Variants in HERC2 observed in about 807,000 individuals in gnomAD.
HERC2 encodes the protein E3 ubiquitin-protein ligase HERC2.
HERC2 carries 102 observed loss-of-function variants against 537.7 expected under a neutral mutation model. The ratio of observed to expected loss-of-function variants is 0.19; its 90% CI spans 0.16 to 0.22. The LOEUF is 0.22. HERC2 is among the 10% of genes least tolerant of loss of function. The probability of loss-of-function intolerance (pLI) is 1.00; values close to 1 mark genes in which losing one functional copy is unlikely to be tolerated. For missense variants in HERC2, 4,236 were observed against 6,198.2 expected, an observed-to-expected ratio of 0.68 and a Z score of 10.63; for synonymous variants, 2,224 against 2,466.2, an observed-to-expected ratio of 0.90 and a Z score of 2.91.
At chr15:28,204,207 C>G (rs1418086031) in intron 45 of HERC2, among the ~76,000 whole-genome samples, 1 of 152,154 alleles carries the variant, frequency 6.6e-6, no homozygotes, top group Admixed American at 6.5e-5. Flanking sequence ...CAACCAATAA[C>G]TGACTATAAT....
At chr15:28,195,882 T>C (rs944771672) in intron 52 of HERC2, among the ~76,000 whole-genome samples, 4 of 152,240 alleles carry the variant, frequency 2.6e-5, no homozygotes, top group African/African-American at 4.8e-5. Context: ...AAAAGGTATA[T>C]AAATTAAAAA....
At chr15:28,214,342 C>T in intron 40 of HERC2, 70 bp from the exon 41 acceptor site, 1 of 1,342,832 alleles carries the variant, frequency 7.4e-7, no homozygotes, top group South Asian at 1.2e-5. Flanking sequence ...GAGACGGCTA[C>T]CCACCTCTAA....
At position 28,192,030 on chromosome 15, in the gene HERC2, G is replaced by C. The variant is rs143706639; in HGVS notation, c.8382C>G (p.Ser2794=). The C allele has an allele frequency of 3.3e-5, 53 of 1,613,926 alleles. 1 individual carries two copies. The South Asian group carries it at 5.4e-4, about 16-fold the overall frequency. The change falls in exon 53 of 93, where the codon TCC becomes TCG. Residue 2794 remains serine, a synonymous_variant. Coordinates refer to ENST00000261609, the MANE Select transcript of HERC2 (RefSeq NM_004667.6). ...CAATGAGACGGGATGCCTGGTTCAC[G>C]GAGGACGACACATTCAGGCTCTTCA... ...RMVKSLNVSS[S]VNQASRLIDG...
At position 28,177,167 on chromosome 15, in the gene HERC2, CCCTTCTTAGAGATGAAGGAA is replaced by C. The variant is rs759145073; in HGVS notation, c.9255-60_9255-41del. On this transcript the variant is annotated intron_variant, in intron 60 of 92. Transcript: ENST00000261609. The surrounding 1 kb of genome is among the most constrained non-coding windows in gnomAD (Gnocchi z 5.0). ...AATCAGCTCTCTACAGTCAATCTGT[CCCTTCTTAGAGATGAAGGAA>C]AAAAGACATCTATACTGATCCACAT... The C allele has an allele frequency of 6.3e-7, 1 of 1,576,792 alleles. No individual in the cohort carries two copies. The highest frequency in any genetic ancestry group is 1.4e-5 in the African/African-American group (1 of 73,680).
intron 57 of HERC2, among the ~76,000 whole-genome samples, chr15:28,181,558 C>T (rs1895820298): frequency 6.6e-6 from 1 of 152,190 alleles, no homozygotes; most frequent in Admixed American, 6.5e-5. Context: ...TGATGTCTCA[C>T]AGAATACTAA....
chr15:28,299,596 T>C (rs2076563796), intron 2 of HERC2, 80 bp from the exon 3 acceptor site: 1 of 740,584 alleles, frequency 1.4e-6, no homozygotes. Flanking sequence ...GGGAAAAAAA[T>C]CTCAATCCCC....
intron 2 of HERC2, among the ~76,000 whole-genome samples, chr15:28,303,047 G>A (rs975115333): frequency 6.6e-6 from 1 of 151,428 alleles, no homozygotes; most frequent in African/African-American, 2.4e-5. Flanking sequence ...GGTTGCCTGT[G>A]TTTACGAAGT....
Position 28,237,627 on chromosome 15 carries a change from C to T in HERC2, c.3852+487G>A, listed in dbSNP as rs560863981. Among the ~76,000 whole-genome samples the T allele has an allele frequency of 8.5e-5, 13 of 152,324 alleles. No individual in the cohort carries two copies. In the East Asian group the frequency reaches 1.9e-3, roughly 23 times the overall value. ...ATATTTACAGCAAAGTTAATTCTCCCCTTCATAAACTGTTTTAAGCCCTGC... is the reference window on the plus strand; with the variant it reads ...ATATTTACAGCAAAGTTAATTCTCCTCTTCATAAACTGTTTTAAGCCCTGC... On this transcript the variant is annotated intron_variant, in intron 25 of 92. Coordinates refer to ENST00000261609, the MANE Select transcript of HERC2 (RefSeq NM_004667.6).
At chr15:28,263,293 C>T (rs2075463220) in intron 14 of HERC2, 124 bp from the exon 15 acceptor site, 11 of 1,039,764 alleles carry the variant, frequency 1.1e-5, no homozygotes, top group Non-Finnish European at 1.4e-6. Context: ...ATAGTTAACA[C>T]TACAAGGGTG....
At chr15:28,290,641 T>C (rs1007789814) in intron 4 of HERC2, among the ~76,000 whole-genome samples, 1 of 152,150 alleles carries the variant, frequency 6.6e-6, no homozygotes, top group African/African-American at 2.4e-5. Context: ...ACAACTAATT[T>C]AGAAATTAAC....
At chr15:28,185,218 C>T (rs1238731282) in intron 56 of HERC2, among the ~76,000 whole-genome samples, 2 of 151,976 alleles carry the variant, frequency 1.3e-5, no homozygotes, top group African/African-American at 4.8e-5. Flanking sequence ...AACTACTACC[C>T]CCCACTTCTG....
chr15:28,299,862 G>A (rs1053103114), intron 2 of HERC2, among the ~76,000 whole-genome samples: 7 of 151,908 alleles, frequency 4.6e-5, no homozygotes, highest in Non-Finnish European at 8.8e-5. Flanking sequence ...GACCAGCCTG[G>A]CCAACACGGT....
intron 2 of HERC2, among the ~76,000 whole-genome samples, chr15:28,314,042 G>A (rs7179230): frequency 0.021 from 3,140 of 152,070 alleles, 67 homozygotes; most frequent in African/African-American, 0.072. Context: ...GCCCAGTTTC[G>A]CATTCTCTCA....
rs547007500 is a variant in HERC2, at chr15:28,252,998, G to A, written c.3050+1342C>T. On this transcript the variant is annotated intron_variant, in intron 20 of 92. Coordinates refer to ENST00000261609, the MANE Select transcript of HERC2 (RefSeq NM_004667.6). ...GCCCAGGGCTCCCTGCTCTGTGCTCGGCTGCCTGACCCAACCTGCCAGTGC... is the reference window on the plus strand; with the variant it reads ...GCCCAGGGCTCCCTGCTCTGTGCTCAGCTGCCTGACCCAACCTGCCAGTGC... 3.3e-5 allele frequency among the ~76,000 whole-genome samples: 5 copies of A among 152,288 alleles called. No individual in the cohort carries two copies. The South Asian group carries it at 6.2e-4, about 19-fold the overall frequency.
intron 3 of HERC2, among the ~76,000 whole-genome samples, chr15:28,294,763 T>C (rs1315944115): frequency 1.3e-5 from 2 of 151,974 alleles, no homozygotes; most frequent in Non-Finnish European, 2.9e-5. Flanking sequence ...GCAGCCCCCG[T>C]GTGGCATGCG....
intron 69 of HERC2, among the ~76,000 whole-genome samples, chr15:28,162,736 A>G (rs1333186296): frequency 1.3e-5 from 2 of 151,936 alleles, no homozygotes. Context: ...AAAAATACAA[A>G]AAAAATTAGC....
At chr15:28,277,404 G>C (rs570789196) in intron 5 of HERC2, among the ~76,000 whole-genome samples, 83 of 148,810 alleles carry the variant, frequency 5.6e-4, no homozygotes, top group African/African-American at 2.0e-3. Context: ...GCAACGGGAC[G>C]AACAGTACAA....
chr15:28,241,737 T>C lies in HERC2; in HGVS notation c.3578-2965A>G, dbSNP rs564446156. On this transcript the variant is annotated intron_variant, in intron 23 of 92. Transcript: ENST00000261609. ...CAGGGGGCTGAGGCAGGGGAATTGC[T>C]TGAACCTGGGAGACAGAGGTTGCAG... is the stretch of plus-strand genomic sequence containing the variant. Among the ~76,000 whole-genome samples the C allele has an allele frequency of 1.2e-4, 18 of 152,174 alleles. No individual in the cohort carries two copies. In the South Asian group the frequency reaches 3.1e-3, roughly 26 times the overall value.
chr15:28,261,016 C>T (rs764186220), intron 15 of HERC2, 46 bp from the exon 16 acceptor site: 2 of 1,434,796 alleles, frequency 1.4e-6, no homozygotes, highest in Admixed American at 3.7e-5. Context: ...CCTATGACTT[C>T]CGCTGCAAGA....
Sources: allele counts gnomAD v4.1 joint callset (sites outside exome capture counted in the v4.1 genomes callset), GRCh38; gene constraint gnomAD v4.1.1; non-coding constraint Gnocchi (gnomAD v3.1); transcripts MANE v1.5; gene names NCBI Gene and HGNC (gene_info 2026-07-23, HGNC 2026-07-21).